Variants in CAPN9 observed in about 807,000 individuals in gnomAD.
The protein encoded by CAPN9 is calpain 9.
A neutral mutation model predicts 92.8 loss-of-function variants in CAPN9; 81 were observed. That is an observed-to-expected ratio of 0.87 (90% CI 0.73 to 1.05). The LOEUF (loss-of-function observed/expected upper bound fraction) is 1.05. Among genes scored for constraint, CAPN9 ranks in the 50% least tolerant of loss-of-function variants. The pLI is 0.00. For missense variants in CAPN9, 848 were observed against 866.2 expected (o/e 0.98, Z 0.26); for synonymous variants, 304 against 328.0 (o/e 0.93, Z 0.79).
intron 4 of CAPN9, among the ~76,000 whole-genome samples, chr1:230,763,541 T>C (rs955158683): frequency 6.6e-5 from 10 of 152,192 alleles, no homozygotes; most frequent in Non-Finnish European, 1.3e-4. Context: ...CCTCAGGCTC[T>C]CAATTTCCAG....
Position 230,801,757 on chromosome 1 carries a change from C to A in CAPN9, c.*161C>A. The A allele has an allele frequency of 1.4e-6, 1 of 706,028 alleles. No homozygotes were observed. 43.7% of individuals were successfully genotyped at this position (706,028 alleles called of 1,614,324 possible). ...TGATCTGGGAAGAATGAAATGAACT[C>A]AGCTACACTCTCTGATTTTGTGCTA... On this transcript the variant is annotated 3_prime_UTR_variant, in exon 20 of 20. Coordinates refer to ENST00000271971, the MANE Select transcript of CAPN9 (RefSeq NM_006615.3).
At chr1:230,782,044 C>A (rs1667261148) in intron 11 of CAPN9, among the ~76,000 whole-genome samples, 1 of 152,170 alleles carries the variant, frequency 6.6e-6, no homozygotes, top group Non-Finnish European at 1.5e-5. Flanking sequence ...GAGATCCATG[C>A]AGATTGACAT....
chr1:230,788,812 A>G (rs1667782554), intron 13 of CAPN9, among the ~76,000 whole-genome samples: 1 of 152,182 alleles, frequency 6.6e-6, no homozygotes, highest in Admixed American at 6.5e-5. Context: ...AGACCCAGCA[A>G]GACAGGCTCA....
At chr1:230,763,978 C>G (rs1191183036) in intron 4 of CAPN9, among the ~76,000 whole-genome samples, 1 of 152,140 alleles carries the variant, frequency 6.6e-6, no homozygotes, top group Non-Finnish European at 1.5e-5. Flanking sequence ...AGCAAGGCAA[C>G]AGAAACTGTG....
intron 14 of CAPN9, among the ~76,000 whole-genome samples, chr1:230,790,567 A>G (rs1356899800): frequency 6.6e-6 from 1 of 151,900 alleles, no homozygotes; most frequent in Non-Finnish European, 1.5e-5. Context: ...TTAACCCTGT[A>G]CCCATTTCCC....
intron 16 of CAPN9, 51 bp from the exon 17 acceptor site, chr1:230,792,799 G>A (rs747090757): frequency 8.7e-6 from 13 of 1,491,778 alleles, no homozygotes; most frequent in South Asian, 4.5e-5. Flanking sequence ...TGCCATCAGC[G>A]ATGCCTTTCA....
At chr1:230,781,677 G>A (rs1442665492) in intron 11 of CAPN9, among the ~76,000 whole-genome samples, 1 of 152,154 alleles carries the variant, frequency 6.6e-6, no homozygotes, top group Admixed American at 6.5e-5. Flanking sequence ...TAAGGAGAAC[G>A]CTAAAATCTG....
chr1:230,757,003 AGGGAGGAT>A (rs1173878290), intron 2 of CAPN9, among the ~76,000 whole-genome samples: 4,131 of 129,564 alleles, frequency 0.032, 105 homozygotes, highest in Admixed American at 0.049. Context: ...GAAGGGAGGG[AGGGAGGAT>A]GGAAGGAAGG....
chr1:230,777,943 G>T (rs928375806), intron 8 of CAPN9, among the ~76,000 whole-genome samples: 1 of 152,080 alleles, frequency 6.6e-6, no homozygotes, highest in African/African-American at 2.4e-5. Flanking sequence ...GTCTCGTCTG[G>T]TCTCTTGACT....
chr1:230,762,869 G>A (rs1572028174), intron 4 of CAPN9, 83 bp downstream of exon 4: 1 of 1,373,626 alleles, frequency 7.3e-7, no homozygotes. Context: ...TAAGGGCTGG[G>A]AAAAAATCAG....
intron 1 of CAPN9, among the ~76,000 whole-genome samples, chr1:230,754,482 C>T (rs1665093034): frequency 6.6e-6 from 1 of 151,472 alleles, no homozygotes; most frequent in South Asian, 2.1e-4. Context: ...GGTATAGATA[C>T]ATGAAATTTT....
At position 230,786,011 on chromosome 1, in the gene CAPN9, T is replaced by A; in HGVS notation, c.1512T>A (p.Leu504=). 1 of 1,613,984 alleles carries A rather than the reference T, an allele frequency of 6.2e-7. No individual in the cohort carries two copies. Among genetic ancestry groups the A allele is most frequent in the Non-Finnish European group, 8.5e-7 (1 of 1,179,828 alleles). Residue 504 remains leucine, a synonymous_variant, in exon 12 of 20, where the codon CTT becomes CTA. Coordinates refer to ENST00000271971, the MANE Select transcript of CAPN9 (RefSeq NM_006615.3). ...TGGATGGAAATGTAGACATTGACCT[T>A]CCTGAGGTGAGTCTTCTGATGTTGC... ...RDMDGNVDID[L]PEPPKPTPPD...
At chr1:230,798,884 G>A (rs988601808) in intron 19 of CAPN9, among the ~76,000 whole-genome samples, 10 of 152,188 alleles carry the variant, frequency 6.6e-5, no homozygotes, top group African/African-American at 2.2e-4. Context: ...AATGGAAGTC[G>A]TCTTTCACAG....
intron 18 of CAPN9, among the ~76,000 whole-genome samples, chr1:230,796,822 G>C (rs146916202): frequency 2.0e-5 from 3 of 152,276 alleles, no homozygotes; most frequent in African/African-American, 7.2e-5. Flanking sequence ...AACGGGGGGT[G>C]GGAGTGCCTC....
intron 4 of CAPN9, among the ~76,000 whole-genome samples, chr1:230,765,457 G>A (rs1420725280): frequency 6.6e-6 from 1 of 152,084 alleles, no homozygotes; most frequent in Non-Finnish European, 1.5e-5. Flanking sequence ...TCAGGAGTTC[G>A]AGACCAGCCT....
intron 9 of CAPN9, 44 bp downstream of exon 9, chr1:230,779,177 C>G (rs1199870204): frequency 6.3e-7 from 1 of 1,590,108 alleles, no homozygotes; most frequent in African/African-American, 1.3e-5. Context: ...CCCAAGTGTC[C>G]CTTCCAACTC....
At chr1:230,784,722 A>G (rs756970332) in intron 11 of CAPN9, among the ~76,000 whole-genome samples, 7 of 152,376 alleles carry the variant, frequency 4.6e-5, no homozygotes, top group South Asian at 2.1e-4. Flanking sequence ...TGCTGCAGGG[A>G]CAGAGCCCTC....
At chr1:230,774,208 G>A (rs886255626) in intron 7 of CAPN9, among the ~76,000 whole-genome samples, 7 of 152,246 alleles carry the variant, frequency 4.6e-5, no homozygotes, top group East Asian at 1.9e-4. Context: ...GGCCAAGCAC[G>A]AAAGTCAGCA....
intron 11 of CAPN9, among the ~76,000 whole-genome samples, chr1:230,782,368 G>A (rs918980744): frequency 1.3e-5 from 2 of 152,200 alleles, no homozygotes; most frequent in Admixed American, 6.5e-5. Flanking sequence ...ATGCCCAGGG[G>A]ATGAGGAGGA....
Sources: allele counts gnomAD v4.1 joint callset (sites outside exome capture counted in the v4.1 genomes callset), GRCh38; gene constraint gnomAD v4.1.1; transcripts MANE v1.5; gene names NCBI Gene and HGNC (gene_info 2026-07-23, HGNC 2026-07-21).